Variants in RSBN1L observed in about 807,000 individuals in gnomAD.
RSBN1L encodes lysine-specific demethylase RSBN1L.
In RSBN1L, 30 loss-of-function variants were observed where a neutral mutation model predicts 67.7. The ratio of observed to expected loss-of-function variants is 0.44; its 90% confidence interval spans 0.33 to 0.60. RSBN1L has a LOEUF of 0.60. Ranked by LOEUF, RSBN1L falls within the 20% of genes least tolerant of loss-of-function variation. The pLI is 0.02. For missense variants in RSBN1L, 992 were observed against 1,031.7 expected, an observed-to-expected ratio of 0.96 and a Z score of 0.53; for synonymous variants, 433 against 387.0, an observed-to-expected ratio of 1.12 and a Z score of -1.39.
intron 1 of RSBN1L, among the ~76,000 whole-genome samples, chr7:77,713,692 A>T (rs1791008157): frequency 6.7e-6 from 1 of 150,074 alleles, no homozygotes; most frequent in Admixed American, 6.7e-5. Flanking sequence ...AAATAGAGAC[A>T]CAGTCTTGCT....
chr7:77,736,646 T>G (rs1477250193), intron 2 of RSBN1L, 120 bp downstream of exon 2: 1 of 443,634 alleles, frequency 2.3e-6, no homozygotes, highest in Non-Finnish European at 3.9e-6. Flanking sequence ...TGAACAATGA[T>G]GAGGAAATGA....
intron 1 of RSBN1L, among the ~76,000 whole-genome samples, chr7:77,700,726 A>AT (rs1265790042): frequency 6.6e-6 from 1 of 151,778 alleles, no homozygotes; most frequent in East Asian, 1.9e-4. Flanking sequence ...TTCATGTCTC[A>AT]TTTTTTTCAT....
chr7:77,746,428 C>T (rs547938701), intron 2 of RSBN1L, among the ~76,000 whole-genome samples: 11 of 152,274 alleles, frequency 7.2e-5, no homozygotes, highest in Admixed American at 4.6e-4. Flanking sequence ...GGGGGAAATT[C>T]ACCCCCATGA....
chr7:77,703,434 C>G (rs1790843714), intron 1 of RSBN1L, among the ~76,000 whole-genome samples: 1 of 144,338 alleles, frequency 6.9e-6, no homozygotes, highest in Admixed American at 7.1e-5. Flanking sequence ...CTAGTTATGT[C>G]AGACGTGGAG....
chr7:77,715,591 G>T (rs148004228), intron 1 of RSBN1L, among the ~76,000 whole-genome samples: 6 of 152,288 alleles, frequency 3.9e-5, no homozygotes, highest in South Asian at 2.1e-4. Context: ...TTACAGGCAC[G>T]ACACTGTGCC....
At chr7:77,712,524 C>T (rs996878022) in intron 1 of RSBN1L, among the ~76,000 whole-genome samples, 1 of 152,106 alleles carries the variant, frequency 6.6e-6, no homozygotes, top group African/African-American at 2.4e-5. Context: ...GGTGATCCAC[C>T]CTCCTCAGCC....
At chr7:77,769,916 A>C (rs549249019) in intron 5 of RSBN1L, among the ~76,000 whole-genome samples, 1 of 152,332 alleles carries the variant, frequency 6.6e-6, no homozygotes, top group Non-Finnish European at 1.5e-5. Context: ...GTAGATCATA[A>C]AATTTAACAT....
chr7:77,774,166 A>G (rs563576045), intron 6 of RSBN1L, among the ~76,000 whole-genome samples: 8 of 152,268 alleles, frequency 5.3e-5, no homozygotes, highest in Non-Finnish European at 1.0e-4. Flanking sequence ...CTTTGCTTAC[A>G]AGTTTCACTT....
At position 77,729,106 on chromosome 7, in the gene RSBN1L, C is replaced by T. The variant is rs531528462; in HGVS notation, c.587-7304C>T. Among the ~76,000 whole-genome samples the T allele has an allele frequency of 1.7e-4, 26 of 152,154 alleles. No individual in the cohort carries two copies. In the South Asian group the frequency reaches 3.1e-3, roughly 18 times the overall value. ...TTGGCTGTAGTCTGTTTTTTCCTTCCGCTTCTTTTATAGTCTTCTCTTTGT... is the reference window on the plus strand; with the variant it reads ...TTGGCTGTAGTCTGTTTTTTCCTTCTGCTTCTTTTATAGTCTTCTCTTTGT... On this transcript the variant is annotated intron_variant, in intron 1 of 7. Coordinates refer to ENST00000334955, the MANE Select transcript of RSBN1L (RefSeq NM_198467.3).
intron 1 of RSBN1L, among the ~76,000 whole-genome samples, chr7:77,717,831 A>G (rs1159184602): frequency 6.6e-6 from 1 of 152,210 alleles, no homozygotes; most frequent in Non-Finnish European, 1.5e-5. Context: ...CAGCCTGGCC[A>G]ACATGGTGAA....
At chr7:77,736,620 TGAATTTTGCGGA>T in intron 2 of RSBN1L, 94 bp downstream of exon 2, 1 of 664,334 alleles carries the variant, frequency 1.5e-6, no homozygotes, top group African/African-American at 1.9e-5. Context: ...TATTTGGTGC[TGAATTTTGCGGA>T]GAATGAACAA....
chr7:77,704,324 G>A (rs1402400835), intron 1 of RSBN1L, among the ~76,000 whole-genome samples: 1 of 152,048 alleles, frequency 6.6e-6, no homozygotes, highest in Non-Finnish European at 1.5e-5. Context: ...TCAAGTAATG[G>A]ATAAACTACC....
At chr7:77,718,668 AAAC>A in intron 1 of RSBN1L, among the ~76,000 whole-genome samples, 1 of 152,344 alleles carries the variant, frequency 6.6e-6, no homozygotes, top group East Asian at 1.9e-4. Flanking sequence ...TACTTAAACA[AAAC>A]AACTTTTTCA....
At chr7:77,760,986 C>G (rs1318995220) in intron 3 of RSBN1L, among the ~76,000 whole-genome samples, 4 of 152,136 alleles carry the variant, frequency 2.6e-5, no homozygotes, top group Non-Finnish European at 4.4e-5. Context: ...TTTAACTACA[C>G]CAGAAAACTG....
At chr7:77,698,330 G>A (rs1790769141) in intron 1 of RSBN1L, among the ~76,000 whole-genome samples, 1 of 152,192 alleles carries the variant, frequency 6.6e-6, no homozygotes, top group South Asian at 2.1e-4. Context: ...CTTTTAGTCA[G>A]GAATTCCAGG....
chr7:77,754,097 G>A (rs1429801380), intron 3 of RSBN1L, among the ~76,000 whole-genome samples: 1 of 152,134 alleles, frequency 6.6e-6, no homozygotes, highest in African/African-American at 2.4e-5. Context: ...GAGTGCAATG[G>A]TACGATCATA....
At chr7:77,758,228 G>C (rs947529327) in intron 3 of RSBN1L, among the ~76,000 whole-genome samples, 8 of 151,970 alleles carry the variant, frequency 5.3e-5, no homozygotes, top group African/African-American at 1.9e-4. Context: ...GTGCGATCTC[G>C]GCTCACTGCA....
At chr7:77,761,598 G>T (rs567176267) in intron 3 of RSBN1L, among the ~76,000 whole-genome samples, 1 of 152,192 alleles carries the variant, frequency 6.6e-6, no homozygotes, top group African/African-American at 2.4e-5. Context: ...TGTGAAAAGC[G>T]TGTGGATTTT....
rs771722413 is a variant in RSBN1L at position 77,749,799 on chromosome 7, C to G, written c.1079C>G (p.Ser360Trp). The G allele has an allele frequency of 6.2e-7, 1 of 1,614,116 alleles. No homozygotes were observed. The highest frequency in any genetic ancestry group is 1.7e-5 in the Admixed American group (1 of 60,010). ...GAGCACCAGCCTAATGGAGGTGCATCGGTTATCCATGCCTACAGTAACGAA... is the reference window on the plus strand; with the variant it reads ...GAGCACCAGCCTAATGGAGGTGCATGGGTTATCCATGCCTACAGTAACGAA... ...HIEHQPNGGA[S>W]VIHAYSNELS... The change falls in exon 3 of 8, where the codon TCG becomes TGG. Residue 360 changes from serine (S) to tryptophan (W), a missense_variant. Physicochemically the swap from Ser to Trp is radical, Grantham distance 177 (BLOSUM62 -3). Transcript: ENST00000334955.
Sources: gnomAD v4.1 joint callset for allele counts (sites outside exome capture counted in the v4.1 genomes callset) on GRCh38, gnomAD v4.1.1 for gene constraint, MANE v1.5 for transcripts, NCBI Gene and HGNC (gene_info 2026-07-23, HGNC 2026-07-21) for gene names.